Variants in AKR1B15 observed in about 807,000 individuals in gnomAD.
AKR1B15 encodes the protein aldo-keto reductase family 1 member B15, also known as estradiol 17-beta-dehydrogenase AKR1B15.
Under a neutral mutation model 38.5 loss-of-function variants are expected in AKR1B15, and 49 were observed. That is an observed-to-expected ratio of 1.27 (90% CI 1.01 to 1.62). The LOEUF is 1.62. Ranked by LOEUF, AKR1B15 falls within the 40% of genes most tolerant of loss-of-function variation. The probability of loss-of-function intolerance (pLI) is 0.00; values close to 1 mark genes in which losing one functional copy is unlikely to be tolerated. For synonymous variants in AKR1B15, 137 were observed against 135.5 expected (o/e 1.01, Z -0.08); for missense variants, 411 against 381.6 (o/e 1.08, Z -0.64).
At chr7:134,565,478 A>C in intron 3 of AKR1B15, 1 of 1,613,436 alleles carries the variant, frequency 6.2e-7, no homozygotes. Context: ...TTCCGCACCA[A>C]CCATGGCCAC....
At position 134,571,677 on chromosome 7, in the gene AKR1B15, G is replaced by A. The variant is rs1407063101; in HGVS notation, c.509G>A (p.Trp170Ter). Reference sequence around the variant, plus strand: ...GGAAAAGGAACGTTCTTGGATGCCTGGGAGGTAGGTTCCAGCTTTGTCTAA... The same window carrying A: ...GGAAAAGGAACGTTCTTGGATGCCTAGGAGGTAGGTTCCAGCTTTGTCTAA... Reference protein sequence around the residue: ...ISGKGTFLDAWEAMEELVDEG... With the variant: ...ISGKGTFLDA The change falls in exon 6 of 12, where the codon TGG becomes TAG. Residue 170 changes from tryptophan to a stop codon, truncating the protein, a stop_gained. Transcript: ENST00000457545. LOFTEE classifies it high-confidence loss of function. The A allele has an allele frequency of 3.7e-6, 6 of 1,613,102 alleles. No individual in the cohort carries two copies. Among genetic ancestry groups the A allele is most frequent in the East Asian group, 2.2e-5 (1 of 44,868 alleles).
At chr7:134,565,404 T>G in intron 3 of AKR1B15, 1 of 1,607,856 alleles carries the variant, frequency 6.2e-7, no homozygotes, top group Admixed American at 1.7e-5. Flanking sequence ...CCACGAACCC[T>G]CTGGAAGGAA....
In AKR1B15 at chr7:134,557,343, G is replaced by T. The variant is rs117234966; in HGVS notation, c.-23+484G>T. On this transcript the variant is annotated intron_variant, in intron 2 of 11. Transcript: ENST00000457545. ...CCCTTGTTATAACCGAGGAATCAAT[G>T]ATCTGATTCCCCCAAACACGAGTGG... Among the ~76,000 whole-genome samples the T allele has an allele frequency of 1.3e-3, 196 of 152,220 alleles. 7 individuals carry two copies. The East Asian group carries it at 0.032, about 25-fold the overall frequency.
In AKR1B15 at chr7:134,575,541, A is replaced by C; in HGVS notation, c.635A>C (p.Gln212Pro). 6.2e-7 allele frequency: 1 copy of C among 1,613,836 alleles called. No individual in the cohort carries two copies. Among genetic ancestry groups the C allele is most frequent in the Non-Finnish European group, 8.5e-7 (1 of 1,179,790 alleles). ...CTGAAATATAAACCAGTGACTAACC[A>C]GGTAAATTCTATTCAGTTTAAGGGT... ...PGLKYKPVTNQVECHPYLTQE... is the reference protein window; with the variant it reads ...PGLKYKPVTNPVECHPYLTQE... Residue 212 changes from glutamine (Q) to proline (P), a missense_variant and splice_region_variant, in exon 7 of 12, where the codon CAG becomes CCG. Gln to Pro is a moderately conservative substitution (Grantham distance 76). Around this residue, in one of 3 missense-constraint regions of AKR1B15, gnomAD observed 24 missense variants for 48.9 expected, o/e 0.49. Transcript: ENST00000457545.
intron 1 of AKR1B15, among the ~76,000 whole-genome samples, chr7:134,554,568 C>T (rs915039930): frequency 6.6e-6 from 1 of 152,188 alleles, no homozygotes; most frequent in African/African-American, 2.4e-5. Context: ...CTCCAGTAAA[C>T]GGCTTGTGCC....
chr7:134,578,062 T>G (rs1794803926), intron 11 of AKR1B15, among the ~76,000 whole-genome samples: 1 of 152,192 alleles, frequency 6.6e-6, no homozygotes, highest in African/African-American at 2.4e-5. Context: ...TATTCATTCA[T>G]TCAGTCAATA....
chr7:134,552,991 A>G, intron 1 of AKR1B15, among the ~76,000 whole-genome samples: 1 of 152,190 alleles, frequency 6.6e-6, no homozygotes, highest in East Asian at 1.9e-4. Context: ...TGCCTGCAAC[A>G]TACTACGGAC....
intron 9 of AKR1B15, 30 bp from the exon 10 acceptor site, chr7:134,576,933 G>A: frequency 2.5e-6 from 4 of 1,590,736 alleles, no homozygotes; most frequent in South Asian, 1.1e-5. Flanking sequence ...TTGTAGCTGA[G>A]TGGAAACATG....
chr7:134,565,684 G>A (rs575924319), intron 3 of AKR1B15: 10 of 1,468,508 alleles, frequency 6.8e-6, no homozygotes, highest in African/African-American at 1.4e-5. Context: ...GCTGGGACTC[G>A]GGTTGCTTTC....
At chr7:134,562,858 C>CT (rs1425371893) in intron 2 of AKR1B15, among the ~76,000 whole-genome samples, 1 of 139,484 alleles carries the variant, frequency 7.2e-6, no homozygotes, top group East Asian at 2.0e-4. Context: ...TTCTTTCTTT[C>CT]TTTCTTTCTT....
intron 2 of AKR1B15, among the ~76,000 whole-genome samples, chr7:134,560,011 G>C (rs988406490): frequency 2.0e-5 from 3 of 152,090 alleles, no homozygotes; most frequent in African/African-American, 7.2e-5. Context: ...GGGAGGCTGA[G>C]GCAGGAGAAT....
chr7:134,575,521 A>C lies in AKR1B15; in HGVS notation c.615A>C (p.Lys205Asn). The C allele has an allele frequency of 6.2e-7, 1 of 1,613,862 alleles. No homozygotes were observed. Among genetic ancestry groups the C allele is most frequent in the Non-Finnish European group, 8.5e-7 (1 of 1,179,806 alleles). Reference protein sequence around the residue: ...IERLLNKPGLKYKPVTNQVEC... With the variant: ...IERLLNKPGLNYKPVTNQVEC... ...GGCTCTTGAACAAACCTGGACTGAA[A>C]TATAAACCAGTGACTAACCAGGTAA... Residue 205 changes from lysine to asparagine, a missense_variant, in exon 7 of 12, where the codon AAA becomes AAC. Coordinates refer to ENST00000457545, the MANE Select transcript of AKR1B15 (RefSeq NM_001080538.3).
At chr7:134,565,083 A>G (rs974196752) in intron 3 of AKR1B15, 5 of 302,600 alleles carry the variant, frequency 1.7e-5, no homozygotes, top group African/African-American at 8.4e-5. Context: ...ATAATGGAAT[A>G]AAAGCTGGCC....
chr7:134,579,532 T>C lies in AKR1B15; in HGVS notation c.1018T>C (p.Phe340Leu), dbSNP rs767395993. 18 of 1,600,714 alleles carry C rather than the reference T, an allele frequency of 1.1e-5. No homozygotes were observed. Among genetic ancestry groups the C allele is most frequent in the Non-Finnish European group, 1.5e-5 (18 of 1,173,666 alleles). Residue 340 changes from phenylalanine (F) to leucine (L), a missense_variant, in exon 12 of 12, where the codon TTC (phenylalanine) becomes CTC (leucine). Phe to Leu is a conservative substitution (Grantham distance 22, BLOSUM62 0). Coordinates refer to ENST00000457545, the MANE Select transcript of AKR1B15 (RefSeq NM_001080538.3). ...ATTCTCTCATTTGGAGGACTTTCCC[T>C]TCGATGCAGAATATTGAGGTTGAAT... The part of the protein sequence containing the change: ...KEFSHLEDFP[F>L]DAEY
At chr7:134,576,531 C>T (rs564088774) in intron 9 of AKR1B15, 101 bp downstream of exon 9, 28 of 1,384,994 alleles carry the variant, frequency 2.0e-5, no homozygotes, top group African/African-American at 5.8e-5. Context: ...AGGGGAAGAA[C>T]ACAGGAGCTG....
At chr7:134,572,730 A>C (rs1162129575) in intron 6 of AKR1B15, among the ~76,000 whole-genome samples, 1 of 151,970 alleles carries the variant, frequency 6.6e-6, no homozygotes, top group Non-Finnish European at 1.5e-5. Flanking sequence ...ATTGAAAATG[A>C]ATTAAGGGAT....
At chr7:134,551,087 C>T (rs1339548206) in intron 1 of AKR1B15, among the ~76,000 whole-genome samples, 1 of 152,228 alleles carries the variant, frequency 6.6e-6, no homozygotes, top group Non-Finnish European at 1.5e-5. Context: ...CCTCCACCCT[C>T]AGCTCCCTCG....
chr7:134,557,821 C>T (rs543146290), intron 2 of AKR1B15, among the ~76,000 whole-genome samples: 2 of 152,254 alleles, frequency 1.3e-5, no homozygotes, highest in African/African-American at 4.8e-5. Flanking sequence ...AGCCGTCTCT[C>T]GGTTGCTGGC....
chr7:134,564,461 C>A, intron 2 of AKR1B15, 137 bp from the exon 3 acceptor site: 1 of 462,188 alleles, frequency 2.2e-6, no homozygotes, highest in South Asian at 3.6e-5. Context: ...CAGGCAATGC[C>A]TTTCTAATTC....
Sources: gnomAD v4.1 joint callset for allele counts (sites outside exome capture counted in the v4.1 genomes callset) on GRCh38, gnomAD v4.1.1 for gene constraint, gnomAD v4.1.1 regional missense constraint, MANE v1.5 for transcripts, NCBI Gene and HGNC (gene_info 2026-07-23, HGNC 2026-07-21) for gene names.